Variants in TTC29 observed in about 807,000 individuals in gnomAD.
TTC29 encodes tetratricopeptide repeat domain 29, also known as tetratricopeptide repeat protein 29.
TTC29 carries 49 observed loss-of-function variants against 58.1 expected under a neutral mutation model. The ratio of observed to expected loss-of-function variants is 0.84; its 90% CI spans 0.67 to 1.07. The LOEUF (loss-of-function observed/expected upper bound fraction) is 1.07, where lower values mean the gene tolerates loss of function less well. Ranked by LOEUF, TTC29 falls within the 50% of genes least tolerant of loss-of-function variation. The pLI, the probability that TTC29 is intolerant of heterozygous loss-of-function variation, is 0.00. For missense variants in TTC29, 582 were observed against 555.6 expected (o/e 1.05, Z -0.48); for synonymous variants, 209 against 196.8 (o/e 1.06, Z -0.52).
rs561286949 is a variant in TTC29 at position 146,707,555 on chromosome 4, A to G, written c.1331-4T>C. Reference sequence around the variant, plus strand: ...ACTGTGGATCCTCTAAACTCTTCTAAAAAAAAAATACACAAAGTTAATAGA... The same window carrying G: ...ACTGTGGATCCTCTAAACTCTTCTAGAAAAAAAATACACAAAGTTAATAGA... On this transcript the variant is annotated splice_region_variant and splice_polypyrimidine_tract_variant and intron_variant, in intron 11 of 12. Transcript: ENST00000325106. 6.4e-6 allele frequency: 10 copies of G among 1,557,554 alleles called. No individual in the cohort carries two copies. The African/African-American group carries it at 1.3e-4, about 20-fold the overall frequency.
At chr4:146,751,343 T>G (rs919043447) in intron 11 of TTC29, among the ~76,000 whole-genome samples, 2 of 152,202 alleles carry the variant, frequency 1.3e-5, no homozygotes, top group African/African-American at 4.8e-5. Flanking sequence ...GTACTTGAAT[T>G]GCACTTTTGA....
rs551416996 is a variant in TTC29 at position 146,820,596 on chromosome 4, A to G, written c.978-348T>C. Among the ~76,000 whole-genome samples, 5 of 152,352 alleles carry G rather than the reference A, an allele frequency of 3.3e-5. No homozygotes were observed. In the South Asian group the frequency reaches 8.3e-4, roughly 25 times the overall value. ...CCAAGTGAAGCAAAAATATGTCAAC[A>G]CAAAAAGTCATATACATGAAAGTTC... is the stretch of plus-strand genomic sequence containing the variant. On this transcript the variant is annotated intron_variant, in intron 9 of 12. Transcript: ENST00000325106.
intron 8 of TTC29, among the ~76,000 whole-genome samples, chr4:146,858,023 T>C (rs1290107688): frequency 1.3e-5 from 2 of 152,202 alleles, no homozygotes; most frequent in African/African-American, 2.4e-5. Flanking sequence ...GAATGCATGC[T>C]CAATAAATAC....
intron 11 of TTC29, among the ~76,000 whole-genome samples, chr4:146,791,716 C>T (rs554682382): frequency 1.3e-5 from 2 of 152,240 alleles, no homozygotes; most frequent in African/African-American, 2.4e-5. Context: ...GATAGGTAAA[C>T]GCTAGGCCTC....
At chr4:146,759,949 G>T (rs534620968) in intron 11 of TTC29, among the ~76,000 whole-genome samples, 3 of 152,050 alleles carry the variant, frequency 2.0e-5, no homozygotes, top group African/African-American at 7.2e-5. Flanking sequence ...AATCAGACAA[G>T]AGAAGGAAAT....
At chr4:146,923,022 A>G (rs1417486180) in intron 4 of TTC29, among the ~76,000 whole-genome samples, 1 of 151,980 alleles carries the variant, frequency 6.6e-6, no homozygotes, top group East Asian at 1.9e-4. Context: ...AATTTTCAAT[A>G]CTAAGAAATT....
At chr4:146,740,071 G>A (rs1745009097) in intron 11 of TTC29, among the ~76,000 whole-genome samples, 1 of 152,138 alleles carries the variant, frequency 6.6e-6, no homozygotes, top group South Asian at 2.1e-4. Flanking sequence ...GACCTGGGGG[G>A]TCTCTGAATG....
At chr4:146,763,913 C>T (rs1183087651) in intron 11 of TTC29, 1 of 152,012 alleles carries the variant, frequency 6.6e-6, no homozygotes, top group African/African-American at 2.4e-5. Context: ...AAGTTCTAAA[C>T]TTTGGTCTAG....
intron 3 of TTC29, among the ~76,000 whole-genome samples, chr4:146,939,507 T>A (rs1484980494): frequency 6.6e-6 from 1 of 152,102 alleles, no homozygotes; most frequent in Non-Finnish European, 1.5e-5. Context: ...CTTTCTGTTC[T>A]CCATACACAT....
At chr4:146,841,339 T>C (rs1403277650) in intron 8 of TTC29, among the ~76,000 whole-genome samples, 1 of 152,156 alleles carries the variant, frequency 6.6e-6, no homozygotes, top group South Asian at 2.1e-4. Context: ...GGCACAGCAC[T>C]GTGCATGCAC....
At chr4:146,904,779 A>G (rs1289066581) in intron 5 of TTC29, among the ~76,000 whole-genome samples, 1 of 152,164 alleles carries the variant, frequency 6.6e-6, no homozygotes, top group African/African-American at 2.4e-5. Flanking sequence ...AAGAGATTAC[A>G]ATTATGAAAA....
chr4:146,918,211 T>A (rs1309311711), intron 4 of TTC29, among the ~76,000 whole-genome samples: 1 of 151,200 alleles, frequency 6.6e-6, no homozygotes, highest in East Asian at 1.9e-4. Context: ...TAAAAGTATA[T>A]ATACAAATTG....
In TTC29 at chr4:146,821,469, G is replaced by A. The variant is rs141943571; in HGVS notation, c.978-1221C>T. 5.1e-4 allele frequency among the ~76,000 whole-genome samples: 77 copies of A among 152,130 alleles called. No homozygotes were observed. In the East Asian group the frequency reaches 0.012, roughly 23 times the overall value. Reference sequence around the variant, plus strand: ...AAACTTTTAAAAGTTTATAAAAGGCGAATACTAGCTTACTCTTGAAAGCTT... The same window carrying A: ...AAACTTTTAAAAGTTTATAAAAGGCAAATACTAGCTTACTCTTGAAAGCTT... On this transcript the variant is annotated intron_variant, in intron 9 of 12. Transcript: ENST00000325106.
intron 4 of TTC29, among the ~76,000 whole-genome samples, chr4:146,920,078 T>C (rs987295293): frequency 1.3e-5 from 2 of 151,086 alleles, no homozygotes; most frequent in African/African-American, 4.8e-5. Context: ...CCGCCTTTTA[T>C]CCAGATCATG....
intron 8 of TTC29, among the ~76,000 whole-genome samples, chr4:146,858,267 C>T (rs935223060): frequency 6.6e-6 from 1 of 152,218 alleles, no homozygotes; most frequent in Non-Finnish European, 1.5e-5. Context: ...TAGTGCATGG[C>T]AGACAGGACT....
At chr4:146,725,842 T>C (rs1363872312) in intron 11 of TTC29, among the ~76,000 whole-genome samples, 1 of 152,126 alleles carries the variant, frequency 6.6e-6, no homozygotes, top group Non-Finnish European at 1.5e-5. Flanking sequence ...AAATTACATA[T>C]CAACTTGAAT....
intron 11 of TTC29, among the ~76,000 whole-genome samples, chr4:146,724,026 T>G (rs1162478176): frequency 6.6e-6 from 1 of 152,184 alleles, no homozygotes; most frequent in African/African-American, 2.4e-5. Context: ...ATATACACCA[T>G]GGAATACTAT....
At chr4:146,942,583 C>G in intron 2 of TTC29, 1 of 1,532,240 alleles carries the variant, frequency 6.5e-7, no homozygotes, top group Non-Finnish European at 8.7e-7. Context: ...CAAGAGCTTA[C>G]TTCAGAGGAG....
intron 11 of TTC29, among the ~76,000 whole-genome samples, chr4:146,735,175 AC>A (rs1169523863): frequency 2.6e-5 from 4 of 151,974 alleles, no homozygotes; most frequent in Non-Finnish European, 5.9e-5. Flanking sequence ...ACTCAAAGCC[AC>A]CCCCCTAAAG....
Sources: gnomAD v4.1 joint callset for allele counts (sites outside exome capture counted in the v4.1 genomes callset) on GRCh38, gnomAD v4.1.1 for gene constraint, MANE v1.5 for transcripts, NCBI Gene and HGNC (gene_info 2026-07-23, HGNC 2026-07-21) for gene names.